Variants in GSE1 observed in about 807,000 individuals in gnomAD.
GSE1 encodes Gse1 coiled-coil protein, also known as genetic suppressor element 1.
Under a neutral mutation model 112.6 loss-of-function variants are expected in GSE1, and 32 were observed. That is an observed-to-expected ratio of 0.28 (90% CI 0.21 to 0.38). GSE1 has a LOEUF of 0.38. Ranked by LOEUF, GSE1 falls within the 10% of genes least tolerant of loss-of-function variation. GSE1 has a pLI of 1.00. For missense variants in GSE1, 2,348 were observed against 1,699.2 expected, an observed-to-expected ratio of 1.38 and a Z score of -6.71; for synonymous variants, 1,115 against 735.6, an observed-to-expected ratio of 1.52 and a Z score of -8.35.
At chr16:85,197,738 T>A (rs1367759989) in intron 1 of GSE1, among the ~76,000 whole-genome samples, 1 of 152,204 alleles carries the variant, frequency 6.6e-6, no homozygotes, top group African/African-American at 2.4e-5. Flanking sequence ...CAACTTCATC[T>A]GCCTGCCCCA....
chr16:85,205,168 C>T (rs1567609221), intron 1 of GSE1, among the ~76,000 whole-genome samples: 2 of 152,226 alleles, frequency 1.3e-5, no homozygotes, highest in East Asian at 3.9e-4. Flanking sequence ...CTCGCTCTGT[C>T]ACCCAGGCTG....
chr16:85,481,587 G>C (rs909184727), intron 2 of GSE1, among the ~76,000 whole-genome samples: 2 of 152,178 alleles, frequency 1.3e-5, no homozygotes, highest in African/African-American at 4.8e-5. Context: ...CTGTGTGTGT[G>C]CCATGGTTTG....
intron 1 of GSE1, among the ~76,000 whole-genome samples, chr16:85,584,579 A>G (rs1280741954): frequency 6.7e-5 from 10 of 149,232 alleles, no homozygotes; most frequent in African/African-American, 2.0e-4. Context: ...AGTTTCCCCC[A>G]CCCCTCCCTC....
At chr16:85,394,161 A>T (rs995211576) in intron 2 of GSE1, among the ~76,000 whole-genome samples, 4 of 151,740 alleles carry the variant, frequency 2.6e-5, no homozygotes. Context: ...ACTGCTGACG[A>T]AAAACACAAA....
At chr16:85,541,054 G>A (rs1250263459) in intron 2 of GSE1, among the ~76,000 whole-genome samples, 1 of 152,166 alleles carries the variant, frequency 6.6e-6, no homozygotes, top group Non-Finnish European at 1.5e-5. Flanking sequence ...AGGAGGGTCT[G>A]GGGGCTGTGC....
At chr16:85,360,641 G>C (rs919164643) in intron 2 of GSE1, among the ~76,000 whole-genome samples, 1 of 152,168 alleles carries the variant, frequency 6.6e-6, no homozygotes, top group African/African-American at 2.4e-5. Context: ...GCGGGTGCAG[G>C]GGGAGGGGGC....
chr16:85,246,456 CACA>C (rs1905808362), intron 1 of GSE1, among the ~76,000 whole-genome samples: 2 of 128,370 alleles, frequency 1.6e-5, no homozygotes, highest in African/African-American at 5.8e-5. Context: ...CACACACACA[CACA>C]CCCCACACGC....
intron 1 of GSE1, among the ~76,000 whole-genome samples, chr16:85,276,503 C>T (rs530083368): frequency 3.3e-5 from 5 of 152,308 alleles, no homozygotes; most frequent in Non-Finnish European, 5.9e-5. Flanking sequence ...TGAATGGAAT[C>T]GGCTCCTAAG....
chr16:85,201,340 T>G (rs1422758461), intron 1 of GSE1, among the ~76,000 whole-genome samples: 23 of 42,940 alleles, frequency 5.4e-4, no homozygotes, highest in Non-Finnish European at 9.3e-4. Context: ...CCTTTGGTGT[T>G]TTTTTTTTTT....
At chr16:85,394,975 A>G (rs1236669347) in intron 2 of GSE1, among the ~76,000 whole-genome samples, 1 of 152,098 alleles carries the variant, frequency 6.6e-6, no homozygotes, top group Non-Finnish European at 1.5e-5. Context: ...GGAAGTGGCA[A>G]TTGAGTCGGG....
At chr16:85,507,682 C>T (rs1463339166) in intron 2 of GSE1, among the ~76,000 whole-genome samples, 1 of 152,126 alleles carries the variant, frequency 6.6e-6, no homozygotes, top group Non-Finnish European at 1.5e-5. Context: ...TATGGGGACA[C>T]CAGTCCTATT....
chr16:85,245,047 A>G lies in GSE1; in HGVS notation c.2283+73240A>G, dbSNP rs375896399. ...TGTGGTGGCACATGCCTGTAGTCCC[A>G]GCTACTTAGGAGGCTGAGGTGGGAG... On this transcript the variant is annotated intron_variant, in intron 1 of 2. Transcript: ENST00000637419. Among the ~76,000 whole-genome samples, 299 of 151,852 alleles carry G rather than the reference A, an allele frequency of 2.0e-3. 2 individuals are homozygous for G. Among genetic ancestry groups the G allele is most frequent in the African/African-American group, 7.0e-3 (288 of 41,386 alleles).
In GSE1 at chr16:85,394,326, C is replaced by A. The variant is rs1172381482; in HGVS notation, c.2464+36683C>A. 2.0e-5 allele frequency among the ~76,000 whole-genome samples: 3 copies of A among 152,166 alleles called. No homozygotes were observed. The East Asian group carries it at 5.8e-4, about 29-fold the overall frequency. ...GCGCTCATTAAAGTTTAATACCTGTCGGTGCTGGTGCGGCCCCGCTGGACG... is the reference window on the plus strand; with the variant it reads ...GCGCTCATTAAAGTTTAATACCTGTAGGTGCTGGTGCGGCCCCGCTGGACG... On this transcript the variant is annotated intron_variant, in intron 2 of 2. Transcript: ENST00000637419.
At position 85,499,979 on chromosome 16, in the gene GSE1, T is replaced by C. The variant is rs542277414; in HGVS notation, c.2465-133935T>C. 2.6e-5 allele frequency among the ~76,000 whole-genome samples: 4 copies of C among 152,340 alleles called. No homozygotes were observed. In the East Asian group the frequency reaches 5.8e-4, roughly 22 times the overall value. Reference sequence around the variant, plus strand: ...CAGAAATCCCATGCTGGGGAATTTATTGTAAGAAAGCAAGTCATAGCAAAC... The same window carrying C: ...CAGAAATCCCATGCTGGGGAATTTACTGTAAGAAAGCAAGTCATAGCAAAC... On this transcript the variant is annotated intron_variant, in intron 2 of 2. Coordinates refer to the GSE1 transcript ENST00000637419.
chr16:85,312,476 G>A (rs919494654), intron 1 of GSE1, among the ~76,000 whole-genome samples: 9 of 152,100 alleles, frequency 5.9e-5, no homozygotes, highest in Admixed American at 2.0e-4. Context: ...TCCTTCACGT[G>A]GCCTCCTCAC....
upstream of GSE1, chr16:85,613,299 G>T: frequency 6.5e-7 from 1 of 1,540,436 alleles, no homozygotes; most frequent in South Asian, 1.2e-5. Context: ...TGCCGCCGCC[G>T]AGCAGCCCCG....
At chr16:85,385,810 G>A (rs1295647776) in intron 2 of GSE1, among the ~76,000 whole-genome samples, 1 of 152,194 alleles carries the variant, frequency 6.6e-6, no homozygotes, top group Non-Finnish European at 1.5e-5. Flanking sequence ...AGGGGGAGGG[G>A]AGCCATTAAG....
At chr16:85,223,890 C>T (rs1012747613) in intron 1 of GSE1, among the ~76,000 whole-genome samples, 16 of 152,256 alleles carry the variant, frequency 1.1e-4, no homozygotes, top group African/African-American at 3.9e-4. Context: ...CCGGCGTGAG[C>T]GACCTCATTT....
chr16:85,351,196 G>A (rs934902136), intron 1 of GSE1, among the ~76,000 whole-genome samples: 2 of 152,232 alleles, frequency 1.3e-5, no homozygotes, highest in Non-Finnish European at 1.5e-5. Context: ...TGGATGCCCA[G>A]GAGGGAGAGG....
Sources: gnomAD v4.1 joint callset for allele counts (sites outside exome capture counted in the v4.1 genomes callset) on GRCh38, gnomAD v4.1.1 for gene constraint, MANE v1.5 for transcripts, NCBI Gene and HGNC (gene_info 2026-07-23, HGNC 2026-07-21) for gene names.